The following LCP1 variants were observed in gnomAD, a reference collection of about 807,000 sequenced individuals.
LCP1 encodes lymphocyte cytosolic protein 1.
Under a neutral mutation model 72.0 loss-of-function variants are expected in LCP1, and 23 were observed. The observed-to-expected ratio is 0.32, with a 90% CI of 0.23 to 0.45. The LOEUF is 0.45. LCP1 is among the 20% of genes least tolerant of loss of function. LCP1 has a pLI of 1.00. For synonymous variants in LCP1, 245 were observed against 275.4 expected (o/e 0.89, Z 1.09); for missense variants, 571 against 748.3 (o/e 0.76, Z 2.76).
At chr13:46,132,485 T>C (rs1461992221) in intron 14 of LCP1, among the ~76,000 whole-genome samples, 1 of 152,210 alleles carries the variant, frequency 6.6e-6, no homozygotes, top group African/African-American at 2.4e-5. Context: ...TGTCCTCACC[T>C]ATAAAATGAG....
intron 7 of LCP1, 117 bp from the exon 8 acceptor site, chr13:46,151,195 G>A (rs2045761700): frequency 7.3e-6 from 7 of 957,378 alleles, no homozygotes; most frequent in Non-Finnish European, 7.5e-6. Flanking sequence ...TACCTCTTTG[G>A]GGTAAAGGTT....
Position 46,148,033 on chromosome 13 carries a change from G to T in LCP1, c.978+319C>A, listed in dbSNP as rs570869926. On this transcript the variant is annotated intron_variant, in intron 9 of 15. Coordinates refer to ENST00000323076, the MANE Select transcript of LCP1 (RefSeq NM_002298.5). ...GACTTCTCAAGATCAGTATTAAAGT[G>T]GCGGCAAAACAGAAGTTTTATTATA... is the stretch of plus-strand genomic sequence containing the variant. Among the ~76,000 whole-genome samples the T allele has an allele frequency of 2.0e-5, 3 of 152,296 alleles. No homozygotes were observed. The East Asian group carries it at 5.8e-4, about 29-fold the overall frequency.
chr13:46,173,851 AGGAAGTATGGC>A (rs2045915384), intron 1 of LCP1, among the ~76,000 whole-genome samples: 1 of 152,154 alleles, frequency 6.6e-6, no homozygotes, highest in Non-Finnish European at 1.5e-5. Context: ...CTAACAGTTG[AGGAAGTATGGC>A]CAGAGTGGAA....
Position 46,127,584 on chromosome 13 carries a change from T to C in LCP1, c.*7A>G, listed in dbSNP as rs765221238. ...GTGCACCGCCTCCCACCCAGCCCCA[T>C]TGGGCCTCACACCCTCTTCATTCCT... On this transcript the variant is annotated 3_prime_UTR_variant, in exon 16 of 16. Transcript: ENST00000323076. 12 of 1,613,962 alleles carry C rather than the reference T, an allele frequency of 7.4e-6. No homozygotes were observed. Among genetic ancestry groups the C allele is most frequent in the Admixed American group, 6.7e-5 (4 of 60,004 alleles).
intron 15 of LCP1, among the ~76,000 whole-genome samples, chr13:46,128,357 G>A (rs559759738): frequency 2.6e-5 from 4 of 152,240 alleles, no homozygotes; most frequent in South Asian, 4.1e-4. Flanking sequence ...CCAACACTTC[G>A]GGTGGCCGAG....
At chr13:46,159,082 A>T in intron 2 of LCP1, 93 bp from the exon 3 acceptor site, 1 of 1,150,162 alleles carries the variant, frequency 8.7e-7, no homozygotes, top group Non-Finnish European at 1.3e-6. Context: ...TGAAGGGACG[A>T]GAGAGGCTAT....
chr13:46,143,575 T>C (rs1399452112), intron 11 of LCP1, among the ~76,000 whole-genome samples, 171 bp from the exon 12 acceptor site: 2 of 152,164 alleles, frequency 1.3e-5, no homozygotes, highest in Non-Finnish European at 2.9e-5. Context: ...TCAGAGAGAT[T>C]GGGGGACTCA....
Position 46,159,686 on chromosome 13 carries a change from T to A in LCP1, c.-24A>T. Reference sequence around the variant, plus strand: ...ATTTTTTATTGCTTTAGGTAACAGATCTGGAGAGAAGAAGAACATAAGGGA... The same window carrying A: ...ATTTTTTATTGCTTTAGGTAACAGAACTGGAGAGAAGAAGAACATAAGGGA... On this transcript the variant is annotated splice_region_variant and 5_prime_UTR_variant, in exon 2 of 16. Transcript: ENST00000323076. 6.3e-7 allele frequency: 1 copy of A among 1,587,712 alleles called. No homozygotes were observed.
At chr13:46,155,225 C>T (rs1209429350) in intron 5 of LCP1, among the ~76,000 whole-genome samples, 2 of 152,136 alleles carry the variant, frequency 1.3e-5, no homozygotes, top group African/African-American at 4.8e-5. Flanking sequence ...ATTTTCTTAG[C>T]CATGAAAATT....
At chr13:46,144,388 T>G in intron 11 of LCP1, 54 bp downstream of exon 11, 1 of 1,315,940 alleles carries the variant, frequency 7.6e-7, no homozygotes, top group Non-Finnish European at 1.1e-6. Context: ...TGGAATCCTA[T>G]GGCTCTTTTG....
At chr13:46,140,151 G>A (rs1396563752) in intron 13 of LCP1, among the ~76,000 whole-genome samples, 2 of 152,162 alleles carry the variant, frequency 1.3e-5, no homozygotes, top group Admixed American at 6.5e-5. Flanking sequence ...TAGAATTTAG[G>A]GGAAAGACTA....
chr13:46,133,691 A>T (rs1048311261), intron 14 of LCP1, among the ~76,000 whole-genome samples: 1 of 151,662 alleles, frequency 6.6e-6, no homozygotes, highest in African/African-American at 2.4e-5. Context: ...AAAATTAAAA[A>T]TATAAAAATT....
chr13:46,174,871 G>A (rs1241165792), intron 1 of LCP1, among the ~76,000 whole-genome samples: 7 of 150,714 alleles, frequency 4.6e-5, no homozygotes, highest in Admixed American at 4.0e-4. Context: ...AAGAAAATGT[G>A]GAATTACAAA....
At chr13:46,148,769 AAT>A (rs200573006) in intron 8 of LCP1, 18 of 846,460 alleles carry the variant, frequency 2.1e-5, no homozygotes, top group South Asian at 4.4e-5. Flanking sequence ...TATACAGGAA[AAT>A]ATATATATAC....
intron 1 of LCP1, among the ~76,000 whole-genome samples, chr13:46,170,345 C>T (rs1026336816): frequency 2.0e-5 from 3 of 152,364 alleles, no homozygotes; most frequent in Admixed American, 6.5e-5. Context: ...GTGCCTGCTG[C>T]CTAGCCCTAC....
intron 10 of LCP1, among the ~76,000 whole-genome samples, 163 bp from the exon 11 acceptor site, chr13:46,144,683 A>G (rs1318427563): frequency 9.9e-5 from 15 of 152,182 alleles, no homozygotes; most frequent in Admixed American, 6.5e-4. Context: ...TACTGTGTTA[A>G]TTTTTCTTTT....
At chr13:46,156,821 TTTTC>T (rs1377175158) in intron 4 of LCP1, among the ~76,000 whole-genome samples, 233 of 151,450 alleles carry the variant, frequency 1.5e-3, no homozygotes, top group African/African-American at 5.5e-3. Flanking sequence ...GTTTCTTTTC[TTTTC>T]TTTTTTTTTT....
chr13:46,126,033 C>G lies in LCP1; in HGVS notation c.*1558G>C, dbSNP rs2045596199. On this transcript the variant is annotated 3_prime_UTR_variant, in exon 16 of 16. Coordinates refer to ENST00000323076, the MANE Select transcript of LCP1 (RefSeq NM_002298.5). ...GGCGGAGGGGGGAAATCATCTGAGG[C>G]TACAGTAAGTTCAATCTGAAGTCAA... 4.8e-6 allele frequency: 1 copy of G among 206,830 alleles called. No individual in the cohort carries two copies. The highest frequency in any genetic ancestry group is 9.9e-6 in the Non-Finnish European group (1 of 101,090). The allele number at this position is 206,830 out of a possible 1,614,324, so 12.8% of individuals were successfully genotyped here.
At chr13:46,139,436 A>G (rs2045684421) in intron 13 of LCP1, among the ~76,000 whole-genome samples, 1 of 152,252 alleles carries the variant, frequency 6.6e-6, no homozygotes, top group Non-Finnish European at 1.5e-5. Context: ...TAGGATCTGC[A>G]GACAGTGGCT....
Sources: gnomAD v4.1 joint callset for allele counts (sites outside exome capture counted in the v4.1 genomes callset) on GRCh38, gnomAD v4.1.1 for gene constraint, MANE v1.5 for transcripts, NCBI Gene and HGNC (gene_info 2026-07-23, HGNC 2026-07-21) for gene names.